Variants in TRAPPC9 observed in about 807,000 individuals in gnomAD.
TRAPPC9 encodes trafficking protein particle complex subunit 9.
A neutral mutation model predicts 124.0 loss-of-function variants in TRAPPC9; 83 were observed. The observed-to-expected ratio is 0.67, with a 90% CI of 0.56 to 0.80. The LOEUF is 0.80. Ranked by LOEUF, TRAPPC9 falls within the 30% of genes least tolerant of loss-of-function variation. The pLI, the probability that TRAPPC9 is intolerant of heterozygous loss-of-function variation, is 0.00. For synonymous variants in TRAPPC9, 638 were observed against 617.5 expected (o/e 1.03, Z -0.49); for missense variants, 1,302 against 1,508.3 (o/e 0.86, Z 2.27).
At chr8:139,738,454 G>C (rs550434551) in intron 21 of TRAPPC9, among the ~76,000 whole-genome samples, 2 of 152,302 alleles carry the variant, frequency 1.3e-5, no homozygotes, top group South Asian at 2.1e-4. Context: ...GAAGACCCTG[G>C]GCCATCGGAG....
At chr8:140,369,278 T>C (rs1406211445) in intron 8 of TRAPPC9, among the ~76,000 whole-genome samples, 1 of 152,128 alleles carries the variant, frequency 6.6e-6, no homozygotes, top group Non-Finnish European at 1.5e-5. Context: ...ACACGTAAGT[T>C]AGAAGCAGGC....
chr8:139,832,616 G>T (rs1178037370), intron 21 of TRAPPC9, among the ~76,000 whole-genome samples: 1 of 152,198 alleles, frequency 6.6e-6, no homozygotes, highest in Non-Finnish European at 1.5e-5. Context: ...CATATTCTGG[G>T]GAAAGGTAAA....
intron 21 of TRAPPC9, 70 bp from the exon 22 acceptor site, chr8:139,732,272 C>G (rs539694307): frequency 8.0e-6 from 11 of 1,375,248 alleles, no homozygotes; most frequent in Middle Eastern, 2.5e-4. Context: ...CCCACCCACT[C>G]GCTGATTCAT....
intron 5 of TRAPPC9, among the ~76,000 whole-genome samples, chr8:140,413,540 A>G (rs1446549874): frequency 6.7e-6 from 1 of 149,084 alleles, no homozygotes; most frequent in Non-Finnish European, 1.5e-5. Flanking sequence ...TTTAAGTTTC[A>G]GGGTACATGT....
chr8:140,339,040 A>C (rs1177707298), intron 9 of TRAPPC9, among the ~76,000 whole-genome samples: 1 of 146,620 alleles, frequency 6.8e-6, no homozygotes, highest in African/African-American at 2.5e-5. Context: ...GCCGACGGGA[A>C]ACGGCTCAGA....
At chr8:140,249,183 C>A (rs1270262699) in intron 16 of TRAPPC9, among the ~76,000 whole-genome samples, 1 of 152,122 alleles carries the variant, frequency 6.6e-6, no homozygotes, top group African/African-American at 2.4e-5. Context: ...ACCCCTCACT[C>A]CCTGCCTTCT....
At chr8:140,153,302 CG>C (rs1322651419) in intron 17 of TRAPPC9, among the ~76,000 whole-genome samples, 2 of 152,126 alleles carry the variant, frequency 1.3e-5, no homozygotes, top group Non-Finnish European at 2.9e-5. Context: ...TCCTAACATA[CG>C]CTGTTACTTC....
intron 15 of TRAPPC9, among the ~76,000 whole-genome samples, chr8:140,272,111 G>GTGGCAATGGTGATGGTGGCGA (rs1278486447): frequency 2.7e-5 from 3 of 111,670 alleles, no homozygotes; most frequent in Non-Finnish European, 5.8e-5. Context: ...GATTGTGGTG[G>GTGGCAATGGTGATGGTGGCGA]TGGCAATGGT....
intron 11 of TRAPPC9, among the ~76,000 whole-genome samples, chr8:140,297,790 C>T (rs893406335): frequency 2.0e-5 from 3 of 152,202 alleles, no homozygotes; most frequent in African/African-American, 7.2e-5. Context: ...TTTTAGAGAG[C>T]GTTTATTCAC....
At chr8:140,291,118 T>A in intron 11 of TRAPPC9, 40 bp from the exon 12 acceptor site, 1 of 1,570,896 alleles carries the variant, frequency 6.4e-7, no homozygotes, top group Non-Finnish European at 8.8e-7. Context: ...ATGTATTAGT[T>A]GGTATTTTTT....
In TRAPPC9 at chr8:140,087,178, C is replaced by A. The variant is rs1014074338; in HGVS notation, c.2557-63099G>T. On this transcript the variant is annotated intron_variant, in intron 17 of 22. Coordinates refer to ENST00000438773, the MANE Select transcript of TRAPPC9 (RefSeq NM_001160372.4). This position sits in a 1 kb window ranked among gnomAD's most constrained non-coding sequence, Gnocchi z 4.6. ...AGCTGTCATTTGCTCCTAAGCCACGCCCCATGTTTCCAGCTTTTGAGCTGC... is the reference window on the plus strand; with the variant it reads ...AGCTGTCATTTGCTCCTAAGCCACGACCCATGTTTCCAGCTTTTGAGCTGC... Among the ~76,000 whole-genome samples the A allele has an allele frequency of 6.6e-6, 1 of 152,202 alleles. No homozygotes were observed. The highest frequency in any genetic ancestry group is 2.4e-5 in the African/African-American group (1 of 41,442).
At chr8:139,789,858 C>T (rs1822533036) in intron 21 of TRAPPC9, among the ~76,000 whole-genome samples, 1 of 152,138 alleles carries the variant, frequency 6.6e-6, no homozygotes, top group South Asian at 2.1e-4. Flanking sequence ...ACCGGTACAT[C>T]CCTTCTGTAG....
At chr8:140,017,667 C>CTTTTTT (rs2131884139) in intron 18 of TRAPPC9, among the ~76,000 whole-genome samples, 1 of 152,276 alleles carries the variant, frequency 6.6e-6, no homozygotes, top group South Asian at 2.1e-4. Flanking sequence ...AGTCCTCCAA[C>CTTTTTT]TTTGTTCTTT....
chr8:140,219,355 C>T (rs1347626158), intron 17 of TRAPPC9, among the ~76,000 whole-genome samples: 2 of 152,312 alleles, frequency 1.3e-5, no homozygotes, highest in Non-Finnish European at 1.5e-5. Context: ...CGTCGATAGC[C>T]GCTTGAACGT....
chr8:139,887,205 G>A (rs1411910901), intron 20 of TRAPPC9, among the ~76,000 whole-genome samples: 1 of 149,250 alleles, frequency 6.7e-6, no homozygotes, highest in Non-Finnish European at 1.5e-5. Flanking sequence ...CCACTCCTGT[G>A]TCCTATTTTA....
intron 17 of TRAPPC9, among the ~76,000 whole-genome samples, chr8:140,174,311 C>T (rs546208965): frequency 3.9e-5 from 6 of 151,916 alleles, no homozygotes; most frequent in African/African-American, 1.2e-4. Context: ...ATCTACACAA[C>T]CAACCCCCAT....
chr8:139,967,276 G>A (rs1835765307), intron 19 of TRAPPC9, among the ~76,000 whole-genome samples: 1 of 152,178 alleles, frequency 6.6e-6, no homozygotes, highest in African/African-American at 2.4e-5. Flanking sequence ...GAGGACTTGG[G>A]TCACTGAATG....
intron 21 of TRAPPC9, among the ~76,000 whole-genome samples, chr8:139,760,779 T>G (rs913408824): frequency 6.6e-6 from 1 of 152,174 alleles, no homozygotes; most frequent in Admixed American, 6.5e-5. Flanking sequence ...CCCCCATTTT[T>G]AAAACCATTA....
At chr8:140,384,228 C>T (rs1178050022) in intron 7 of TRAPPC9, among the ~76,000 whole-genome samples, 2 of 152,046 alleles carry the variant, frequency 1.3e-5, no homozygotes, top group Non-Finnish European at 2.9e-5. Context: ...TAAAGACCAC[C>T]GAGACTAGGA....
Sources: gnomAD v4.1 joint callset for allele counts (sites outside exome capture counted in the v4.1 genomes callset) on GRCh38, gnomAD v4.1.1 for gene constraint, Gnocchi (gnomAD v3.1) non-coding constraint, MANE v1.5 for transcripts, NCBI Gene and HGNC (gene_info 2026-07-23, HGNC 2026-07-21) for gene names.